PKD1: variants seen among roughly 807,000 people sequenced by gnomAD.
The protein encoded by PKD1 is polycystin-1.
Under a neutral mutation model 361.7 loss-of-function variants are expected in PKD1, and 81 were observed. That is an observed-to-expected ratio of 0.22 (90% confidence interval 0.19 to 0.27). PKD1 has a LOEUF of 0.27. PKD1 is among the 10% of genes least tolerant of loss of function. The pLI, the probability that PKD1 is intolerant of heterozygous loss-of-function variation, is 1.00. For missense variants in PKD1, 6,399 were observed against 6,118.3 expected (o/e 1.05, Z -1.53); for synonymous variants, 3,615 against 2,818.3 (o/e 1.28, Z -8.95).
chr16:2,123,985 G>A (rs941360705), intron 1 of PKD1, among the ~76,000 whole-genome samples: 3 of 152,206 alleles, frequency 2.0e-5, no homozygotes, highest in East Asian at 1.9e-4. Flanking sequence ...TCTGGAAGGC[G>A]GGAGGAGTTA....
chr16:2,130,615 G>GCCC (rs2092862038), intron 1 of PKD1, among the ~76,000 whole-genome samples: 1 of 152,200 alleles, frequency 6.6e-6, no homozygotes, highest in African/African-American at 2.4e-5. Context: ...GGAGCCAGGG[G>GCCC]CCCCTCCGTG....
chr16:2,122,554 T>G (rs2092738120), intron 1 of PKD1, among the ~76,000 whole-genome samples: 1 of 152,006 alleles, frequency 6.6e-6, no homozygotes, highest in Non-Finnish European at 1.5e-5. Flanking sequence ...ATCCCCGCCG[T>G]GGGGTGGGAC....
intron 1 of PKD1, among the ~76,000 whole-genome samples, chr16:2,126,083 G>C (rs1192937114): frequency 2.6e-5 from 4 of 152,140 alleles, no homozygotes; most frequent in African/African-American, 9.7e-5. Flanking sequence ...CAGCAGCACA[G>C]ATCCAGCGGG....
rs374174553 is a variant in PKD1 at position 2,090,602 on chromosome 16, G to C, written c.12139-12C>G. The C allele has an allele frequency of 8.0e-5, 128 of 1,608,364 alleles. No homozygotes were observed. Among genetic ancestry groups the C allele is most frequent in the Non-Finnish European group, 1.0e-4 (121 of 1,179,718 alleles). On this transcript the variant is annotated splice_polypyrimidine_tract_variant and intron_variant, in intron 44 of 45. Transcript: ENST00000262304. ...CAGGAAGACACGAGCTGCGGGGAAG[G>C]CGACACCAGTGAGGGCGTACAGCTG...
chr16:2,107,858 T>C (rs1418698437), intron 16 of PKD1, 25 bp downstream of exon 16: 1 of 1,541,128 alleles, frequency 6.5e-7, no homozygotes, highest in Non-Finnish European at 8.7e-7. Context: ...CCAAGGCAAG[T>C]GGCCGAGGGG....
At position 2,088,881 on chromosome 16, in the gene PKD1, G is replaced by GCGCGCACACACACACACACACACA. The variant is rs142285430; in HGVS notation, c.*845_*846insTGTGTGTGTGTGTGTGTGTGCGCG. The GCGCGCACACACACACACACACACA allele has an allele frequency of 6.2e-5, 26 of 421,374 alleles. 1 individual carries two copies. Among genetic ancestry groups the GCGCGCACACACACACACACACACA allele is most frequent in the African/African-American group, 5.4e-4 (24 of 44,574 alleles). 26.1% of individuals were successfully genotyped at this position (421,374 alleles called of 1,614,324 possible). On this transcript the variant is annotated 3_prime_UTR_variant, in exon 46 of 46. Transcript: ENST00000262304. ...ACAGCACACTCGCGCGTGCGCGCGC[G>GCGCGCACACACACACACACACACA]CACACACACACACACACAGTCACCT...
intron 11 of PKD1, 25 bp downstream of exon 11, chr16:2,114,145 G>A (rs764227724): frequency 2.5e-5 from 40 of 1,596,660 alleles, no homozygotes; most frequent in Non-Finnish European, 3.1e-5. Context: ...CTGGGGGCTG[G>A]TGGTGGAGCC....
rs547002619 is a variant in PKD1, at chr16:2,117,023, A to G, written c.1416T>C (p.Thr472=). ...RSLDVWIGFS[T]VQGVEVGPAP... is the part of the protein sequence containing the mutation. ...CTGGGCCCACCTCCACCCCCTGCAC[A>G]GTCGAGAAGCCGATCCACACGTCTA... Residue 472 remains threonine, a synonymous_variant, in exon 7 of 46, where the codon ACT becomes ACC. Coordinates refer to ENST00000262304, the MANE Select transcript of PKD1 (RefSeq NM_001009944.3). 1.3e-6 allele frequency: 2 copies of G among 1,585,428 alleles called. No homozygotes were observed. Among genetic ancestry groups the G allele is most frequent in the Non-Finnish European group, 1.7e-6 (2 of 1,171,844 alleles).
At position 2,100,150 on chromosome 16, in the gene PKD1, T is replaced by A. The variant is rs776633625; in HGVS notation, c.9712+16A>T. 4.4e-6 allele frequency: 7 copies of A among 1,606,386 alleles called. No individual in the cohort carries two copies. The highest frequency in any genetic ancestry group is 6.0e-6 in the Non-Finnish European group (7 of 1,176,224). On this transcript the variant is annotated intron_variant, in intron 28 of 45. Coordinates refer to ENST00000262304, the MANE Select transcript of PKD1 (RefSeq NM_001009944.3). This position sits in a 1 kb window ranked among gnomAD's most constrained non-coding sequence, Gnocchi z 4.4. ...CCCAACCTCCCACGGAGTGGGAACA[T>A]GGAACGAGGCCTTACTCGCGGCCAG... is the stretch of plus-strand genomic sequence containing the variant.
Position 2,110,906 on chromosome 16 carries a change from C to A in PKD1, c.4261G>T (p.Ala1421Ser). ...RYTWDFGTEE[A>S]APTRARGPEV... ...GGGCCCCTGGCACGGGTGGGGGCGGCTTCCTCGGTGCCAAAGTCCCAGGTG... is the reference window on the plus strand; with the variant it reads ...GGGCCCCTGGCACGGGTGGGGGCGGATTCCTCGGTGCCAAAGTCCCAGGTG... Residue 1421 changes from alanine (A) to serine (S), a missense_variant, in exon 15 of 46, where the codon GCC (alanine) becomes TCC (serine). By Grantham distance (99) the Ala-to-Ser change is moderately conservative. Coordinates refer to ENST00000262304, the MANE Select transcript of PKD1 (RefSeq NM_001009944.3). 1 of 1,611,422 alleles carries A rather than the reference C, an allele frequency of 6.2e-7. No individual in the cohort carries two copies. The highest frequency in any genetic ancestry group is 2.2e-5 in the East Asian group (1 of 44,884).
In PKD1 at chr16:2,093,574, G is replaced by T; in HGVS notation, c.10986C>A (p.Arg3662=). ...GCATGCCATGTAGCCTCTTGACCTT[G>T]CGGGCTTCTTCCTTGGCCAGGAAGA... is the stretch of plus-strand genomic sequence containing the variant. ...FALFLAKEEA[R]KVKRLHGMLR... The change falls in exon 37 of 46, where the codon CGC becomes CGA. Residue 3662 remains arginine, a synonymous_variant. Transcript: ENST00000262304. 6.2e-7 allele frequency: 1 copy of T among 1,606,786 alleles called. No homozygotes were observed. The highest frequency in any genetic ancestry group is 8.5e-7 in the Non-Finnish European group (1 of 1,176,942).
At position 2,106,075 on chromosome 16, in the gene PKD1, C is replaced by G; in HGVS notation, c.7703+16G>C. The stretch of plus-strand genomic sequence containing the variant: ...AGGTGGCAGTCTCGGGGGCGCCCTC[C>G]CACGGCCTGGCTCACCTGTTGAGGG... On this transcript the variant is annotated intron_variant, in intron 19 of 45. Coordinates refer to ENST00000262304, the MANE Select transcript of PKD1 (RefSeq NM_001009944.3). This position sits in a 1 kb window ranked among gnomAD's most constrained non-coding sequence, Gnocchi z 6.5. The G allele has an allele frequency of 6.2e-7, 1 of 1,604,630 alleles. No individual in the cohort carries two copies. Among genetic ancestry groups the G allele is most frequent in the Non-Finnish European group, 8.5e-7 (1 of 1,176,630 alleles).
At position 2,090,689 on chromosome 16, in the gene PKD1, G is replaced by A; in HGVS notation, c.12123C>T (p.Ala4041=). The change falls in exon 44 of 46, where the codon GCC becomes GCT. Residue 4041 remains alanine (A), a synonymous_variant. Transcript: ENST00000262304. ...AGTCACCTACCAGGATGGCCAGCTGGGCGTAGGCTACCCCGAGCACCACCA... is the reference window on the plus strand; with the variant it reads ...AGTCACCTACCAGGATGGCCAGCTGAGCGTAGGCTACCCCGAGCACCACCA... ...LGLVVLGVAY[A]QLAILLVSSC... is the part of the protein sequence containing the mutation. 1 of 1,612,292 alleles carries A rather than the reference G, an allele frequency of 6.2e-7. No homozygotes were observed. Among genetic ancestry groups the A allele is most frequent in the Non-Finnish European group, 8.5e-7 (1 of 1,179,946 alleles).
intron 32 of PKD1, 69 bp from the exon 33 acceptor site, chr16:2,097,572 A>G: frequency 6.2e-7 from 1 of 1,604,440 alleles, no homozygotes; most frequent in Non-Finnish European, 8.5e-7. Flanking sequence ...CCGTCCAGTC[A>G]CGCACGGACA....
chr16:2,097,107 T>A (rs1375706922), intron 34 of PKD1, 41 bp downstream of exon 34: 2 of 963,000 alleles, frequency 2.1e-6, no homozygotes, highest in East Asian at 7.6e-5. Context: ...TCCCGGCCCC[T>A]CCTCTGGCAA....
chr16:2,098,311 C>T (rs1188222007), intron 30 of PKD1: 28 of 406,946 alleles, frequency 6.9e-5, no homozygotes, highest in Middle Eastern at 7.5e-4. Flanking sequence ...CGCGTTCAGG[C>T]GATTGTCCTG....
Position 2,111,594 on chromosome 16 carries a change from C to T in PKD1, c.3573G>A (p.Leu1191=), listed in dbSNP as rs768982301. 3 of 1,573,488 alleles carry T rather than the reference C, an allele frequency of 1.9e-6. No individual in the cohort carries two copies. The highest frequency in any genetic ancestry group is 1.9e-5 in the Admixed American group (1 of 54,028). The part of the protein sequence containing the change: ...YASRGTYHVR[L]EVNNTVSGAA... ...CACCGCTCACCGTGTTGTTGACCTC[C>T]AGGCGCACGTGGTAGGTGCCCCTCG... The change falls in exon 15 of 46, where the codon CTG becomes CTA. Residue 1191 remains leucine (L), a synonymous_variant. Transcript: ENST00000262304.
rs376052021 is a variant in PKD1, at chr16:2,103,418, G to C, written c.8639C>G (p.Ser2880Trp). 2 of 1,599,120 alleles carry C rather than the reference G, an allele frequency of 1.3e-6. No individual in the cohort carries two copies. The highest frequency in any genetic ancestry group is 1.7e-6 in the Non-Finnish European group (2 of 1,179,576). The stretch of plus-strand genomic sequence containing the variant: ...GCGGTGGCCCCGGGCAGCCCAGTCC[G>C]AGTTGTTGGGCACCTTCACGGTGAT... Reference protein sequence around the residue: ...RAITVKVPNNSDWAARGHRSS... With the variant: ...RAITVKVPNNWDWAARGHRSS... The change falls in exon 23 of 46, where the codon TCG (serine) becomes TGG (tryptophan). Residue 2880 changes from serine (S) to tryptophan (W), a missense_variant. Ser to Trp is a radical substitution (Grantham distance 177). Transcript: ENST00000262304.
At position 2,100,693 on chromosome 16, in the gene PKD1, C is replaced by T. The variant is rs1042519794; in HGVS notation, c.9398-127G>A. 25 of 766,942 alleles carry T rather than the reference C, an allele frequency of 3.3e-5. No individual in the cohort carries two copies. The highest frequency in any genetic ancestry group is 1.4e-4 in the South Asian group (9 of 63,068). 47.5% of individuals were successfully genotyped at this position (766,942 alleles called of 1,614,324 possible). ...CCACACAGGCAGTCCCGGCTTTGCA[C>T]GGCTCTGCCATACACAAGGAGCTGC... On this transcript the variant is annotated intron_variant, in intron 26 of 45. Coordinates refer to ENST00000262304, the MANE Select transcript of PKD1 (RefSeq NM_001009944.3). The surrounding 1 kb of genome is among the most constrained non-coding windows in gnomAD (Gnocchi z 4.4).
Sources: allele counts gnomAD v4.1 joint callset (sites outside exome capture counted in the v4.1 genomes callset), GRCh38; gene constraint gnomAD v4.1.1; non-coding constraint Gnocchi (gnomAD v3.1); transcripts MANE v1.5; gene names NCBI Gene and HGNC (gene_info 2026-07-23, HGNC 2026-07-21).